EMX2: variants seen among roughly 807,000 people sequenced by gnomAD.
EMX2 encodes homeobox protein EMX2.
In EMX2, 6 loss-of-function variants were observed where a neutral mutation model predicts 23.0. That is an observed-to-expected ratio of 0.26 (90% CI 0.14 to 0.52). EMX2 has a LOEUF of 0.52. Ranked by LOEUF, EMX2 falls within the 20% of genes least tolerant of loss-of-function variation. EMX2 has a pLI of 0.97. For missense variants in EMX2, 302 were observed against 341.4 expected, an observed-to-expected ratio of 0.88 and a Z score of 0.91; for synonymous variants, 175 against 153.3, an observed-to-expected ratio of 1.14 and a Z score of -1.04.
chr10:117,543,886 C>T (rs1846535604), intron 1 of EMX2, among the ~76,000 whole-genome samples: 1 of 152,212 alleles, frequency 6.6e-6, no homozygotes, highest in Admixed American at 6.5e-5. Flanking sequence ...TGATGGCCTG[C>T]GGGCCGCTTG....
Position 117,548,397 on chromosome 10 carries a change from A to G in EMX2, c.*165A>G. On this transcript the variant is annotated 3_prime_UTR_variant, in exon 3 of 3. Transcript: ENST00000553456. ...GCGGAATGCGGCGAAGACTCTGGACAGCGAGGGCACAGGGTCCCAAACCGA... is the reference window on the plus strand; with the variant it reads ...GCGGAATGCGGCGAAGACTCTGGACGGCGAGGGCACAGGGTCCCAAACCGA... The G allele has an allele frequency of 8.7e-7, 1 of 1,151,522 alleles. No individual in the cohort carries two copies. Among genetic ancestry groups the G allele is most frequent in the Non-Finnish European group, 1.2e-6 (1 of 830,260 alleles). 71.3% of individuals were successfully genotyped at this position (1,151,522 alleles called of 1,614,324 possible).
chr10:117,545,373 G>C (rs1022437983), intron 1 of EMX2: 4 of 421,474 alleles, frequency 9.5e-6, no homozygotes, highest in African/African-American at 2.1e-5. Flanking sequence ...GCCGGCCGAG[G>C]TCAGGAGCCT....
intron 1 of EMX2, 150 bp downstream of exon 1, chr10:117,543,823 G>C: frequency 7.9e-7 from 1 of 1,270,638 alleles, no homozygotes; most frequent in Non-Finnish European, 1.1e-6. Flanking sequence ...TAGGCGGCGC[G>C]GGGCCGGGCG....
In EMX2 at chr10:117,543,253, G is replaced by T. The variant is rs1215823611; in HGVS notation, c.-15G>T. 2.1e-6 allele frequency: 3 copies of T among 1,425,422 alleles called. No homozygotes were observed. Among genetic ancestry groups the T allele is most frequent in the East Asian group, 6.5e-5 (2 of 30,840 alleles). The allele number at this position is 1,425,422 out of a possible 1,614,324, so 88.3% of individuals were successfully genotyped here. On this transcript the variant is annotated 5_prime_UTR_variant, in exon 1 of 3. Transcript: ENST00000553456. ...CAGGAGCTGGGAGCCCAGGGCGCCC[G>T]CTCCTCGGCGCAGCATGTTCCAGCC...
intron 2 of EMX2, among the ~76,000 whole-genome samples, chr10:117,546,532 A>G (rs1846581109): frequency 6.6e-6 from 1 of 152,278 alleles, no homozygotes; most frequent in African/African-American, 2.4e-5. Context: ...TGGGCAGACT[A>G]AGTTGTAACA....
At position 117,543,203 on chromosome 10, in the gene EMX2, G is replaced by A; in HGVS notation, c.-65G>A. 8.1e-7 allele frequency: 1 copy of A among 1,232,484 alleles called. No homozygotes were observed. The highest frequency in any genetic ancestry group is 3.8e-5 in the Admixed American group (1 of 26,102). The allele number at this position is 1,232,484 out of a possible 1,614,324, so 76.3% of individuals were successfully genotyped here. A position where few individuals can be genotyped will look rare whatever the true frequency, so the allele number is the denominator to read the frequency against. ...TCCGTCCTCGCCGCGGGCAGCGGGCGGCGGAGGCAGCGTGCGGCGGTCGCC... is the reference window on the plus strand; with the variant it reads ...TCCGTCCTCGCCGCGGGCAGCGGGCAGCGGAGGCAGCGTGCGGCGGTCGCC... On this transcript the variant is annotated 5_prime_UTR_variant, in exon 1 of 3. Coordinates refer to ENST00000553456, the MANE Select transcript of EMX2 (RefSeq NM_004098.4).
chr10:117,543,649 C>G lies in EMX2; in HGVS notation c.382C>G (p.Arg128Gly). 3.1e-6 allele frequency: 5 copies of G among 1,613,642 alleles called. No homozygotes were observed. Among genetic ancestry groups the G allele is most frequent in the Non-Finnish European group, 4.2e-6 (5 of 1,179,728 alleles). The change falls in exon 1 of 3, where the codon CGA becomes GGA. Residue 128 changes from arginine to glycine, a missense_variant. Coordinates refer to ENST00000553456, the MANE Select transcript of EMX2 (RefSeq NM_004098.4). The part of the protein sequence containing the change: ...TFYPWLIHRY[R>G]YLGHRFQGND... ...CTACCCCTGGCTCATCCACCGCTACCGATATCTGGGTCATCGCTTCCAAGG... is the reference window on the plus strand; with the variant it reads ...CTACCCCTGGCTCATCCACCGCTACGGATATCTGGGTCATCGCTTCCAAGG...
chr10:117,548,432 A>T lies in EMX2; in HGVS notation c.*200A>T. On this transcript the variant is annotated 3_prime_UTR_variant, in exon 3 of 3. Coordinates refer to ENST00000553456, the MANE Select transcript of EMX2 (RefSeq NM_004098.4). ...CAGGGTCCCAAACCGAGGCCGCGCC[A>T]AGATGGCAGAGGATGGAGGCTCCTT... The T allele has an allele frequency of 1.3e-6, 1 of 771,384 alleles. No homozygotes were observed. The highest frequency in any genetic ancestry group is 1.9e-5 in the South Asian group (1 of 53,546). The allele number at this position is 771,384 out of a possible 1,614,324, so 47.8% of individuals were successfully genotyped here.
chr10:117,544,295 C>T (rs1366974988), intron 1 of EMX2: 1 of 153,418 alleles, frequency 6.5e-6, no homozygotes, highest in Non-Finnish European at 1.4e-5. Flanking sequence ...GCTTGGCGCT[C>T]TCGCCGCGAC....
chr10:117,545,185 A>G (rs1846558306), intron 1 of EMX2: 1 of 162,236 alleles, frequency 6.2e-6, no homozygotes, highest in Admixed American at 6.5e-5. Context: ...AAAACTCTGG[A>G]GAGCAGCCCG....
At chr10:117,543,749 G>A in intron 1 of EMX2, 76 bp downstream of exon 1, 2 of 1,608,622 alleles carry the variant, frequency 1.2e-6, no homozygotes, top group East Asian at 2.2e-5. Flanking sequence ...CTCCGGGTGG[G>A]CGCTTGGCAA....
intron 1 of EMX2, chr10:117,544,380 TAA>T (rs58443476): frequency 2.1e-3 from 313 of 146,376 alleles, no homozygotes; most frequent in Non-Finnish European, 2.8e-3. Flanking sequence ...TTTCTTTCTT[TAA>T]AAAAAAAAAA....
intron 2 of EMX2, among the ~76,000 whole-genome samples, chr10:117,546,330 C>A (rs1472736614): frequency 6.6e-6 from 1 of 152,214 alleles, no homozygotes; most frequent in East Asian, 1.9e-4. Context: ...TACCCTATAT[C>A]AGAGAAGTAA....
intron 1 of EMX2, chr10:117,544,971 G>A (rs1846554313): frequency 6.6e-6 from 1 of 152,046 alleles, no homozygotes; most frequent in Admixed American, 6.5e-5. Flanking sequence ...TAACCCCCCG[G>A]GTTTCGATCC....
intron 1 of EMX2, chr10:117,544,594 G>C: frequency 6.6e-6 from 1 of 152,130 alleles, no homozygotes; most frequent in East Asian, 1.9e-4. Flanking sequence ...AATACTCCGC[G>C]GCTTGTCCAT....
At position 117,548,325 on chromosome 10, in the gene EMX2, A is replaced by C; in HGVS notation, c.*93A>C. On this transcript the variant is annotated 3_prime_UTR_variant, in exon 3 of 3. Coordinates refer to ENST00000553456, the MANE Select transcript of EMX2 (RefSeq NM_004098.4). ...AAAAAACCCTACAAAACAAAAACAA[A>C]CCGCATACACGTTCACCGAGAAAGG... 8 of 1,492,376 alleles carry C rather than the reference A, an allele frequency of 5.4e-6. No homozygotes were observed. Among genetic ancestry groups the C allele is most frequent in the African/African-American group, 1.4e-5 (1 of 71,258 alleles). 92.4% of individuals were successfully genotyped at this position (1,492,376 alleles called of 1,614,324 possible). A position where few individuals can be genotyped will look rare whatever the true frequency, so the allele number is the denominator to read the frequency against.
chr10:117,545,762 G>A lies in EMX2; in HGVS notation c.537G>A (p.Val179=). The stretch of plus-strand genomic sequence containing the variant: ...ACGCCTTTGAGAAGAATCACTACGT[G>A]GTGGGCGCCGAAAGGAAGCAGCTGG... ...LEHAFEKNHY[V]VGAERKQLAH... Residue 179 remains valine, a synonymous_variant, in exon 2 of 3, where the codon GTG becomes GTA. Coordinates refer to ENST00000553456, the MANE Select transcript of EMX2 (RefSeq NM_004098.4). 6.2e-7 allele frequency: 1 copy of A among 1,614,006 alleles called. No homozygotes were observed.
At position 117,543,695 on chromosome 10, in the gene EMX2, T is replaced by A. The variant is rs375505457; in HGVS notation, c.406+22T>A. 47 of 1,612,674 alleles carry A rather than the reference T, an allele frequency of 2.9e-5. No homozygotes were observed. The African/African-American group carries it at 4.9e-4, about 17-fold the overall frequency. On this transcript the variant is annotated intron_variant, in intron 1 of 2. Coordinates refer to ENST00000553456, the MANE Select transcript of EMX2 (RefSeq NM_004098.4). ...CAAGGTACGTGCCACGTCGCGGAAC[T>A]GCAGCGCGCCGCTCCCGCCGCATCC...
chr10:117,545,492 G>A (rs1846563886), intron 1 of EMX2, 140 bp from the exon 2 acceptor site: 3 of 1,044,562 alleles, frequency 2.9e-6, no homozygotes, highest in Non-Finnish European at 2.8e-6. Flanking sequence ...CCCTTGGGAG[G>A]ACCACCGGCC....
Sources: gnomAD v4.1 joint callset for allele counts (sites outside exome capture counted in the v4.1 genomes callset) on GRCh38, gnomAD v4.1.1 for gene constraint, MANE v1.5 for transcripts, NCBI Gene and HGNC (gene_info 2026-07-23, HGNC 2026-07-21) for gene names.